Variants in SYNPR observed in about 807,000 individuals in gnomAD.
SYNPR encodes synaptoporin.
Under a neutral mutation model 32.9 loss-of-function variants are expected in SYNPR, and 23 were observed. That is an observed-to-expected ratio of 0.70 (90% CI 0.50 to 0.99). The LOEUF (loss-of-function observed/expected upper bound fraction) is 0.99. Ranked by LOEUF, SYNPR falls within the 50% of genes least tolerant of loss-of-function variation. SYNPR has a pLI of 0.00. For synonymous variants in SYNPR, 146 were observed against 135.9 expected, an observed-to-expected ratio of 1.07 and a Z score of -0.52; for missense variants, 318 against 349.3, an observed-to-expected ratio of 0.91 and a Z score of 0.71.
intron 2 of SYNPR, among the ~76,000 whole-genome samples, chr3:63,404,169 A>G (rs1296206838): frequency 6.6e-6 from 1 of 152,196 alleles, no homozygotes; most frequent in East Asian, 1.9e-4. Flanking sequence ...TGCTGTAGAA[A>G]GGAAGCTGAA....
At chr3:63,436,055 G>A (rs1305926446) in intron 2 of SYNPR, among the ~76,000 whole-genome samples, 5 of 152,060 alleles carry the variant, frequency 3.3e-5, no homozygotes, top group East Asian at 1.9e-4. Flanking sequence ...TAACACATAC[G>A]CCATAAACAA....
intron 3 of SYNPR, among the ~76,000 whole-genome samples, chr3:63,533,978 C>T (rs1702156629): frequency 6.6e-6 from 1 of 152,090 alleles, no homozygotes; most frequent in African/African-American, 2.4e-5. Context: ...TGGAAAATAT[C>T]CAAATTAGAA....
chr3:63,325,070 G>A (rs895081629), intron 2 of SYNPR, among the ~76,000 whole-genome samples: 1 of 152,164 alleles, frequency 6.6e-6, no homozygotes, highest in African/African-American at 2.4e-5. Flanking sequence ...GAGGCCATCT[G>A]GTGAGCCTTC....
At chr3:63,246,752 G>C (rs565669812) in intron 1 of SYNPR, among the ~76,000 whole-genome samples, 2 of 151,926 alleles carry the variant, frequency 1.3e-5, no homozygotes, top group Non-Finnish European at 2.9e-5. Context: ...AATGCTGTAC[G>C]GGGCCTCAGG....
chr3:63,560,135 G>A (rs1329355797), intron 4 of SYNPR, among the ~76,000 whole-genome samples: 1 of 152,190 alleles, frequency 6.6e-6, no homozygotes, highest in East Asian at 1.9e-4. Context: ...GTCGTGGGAG[G>A]AAGGAACAGA....
intron 2 of SYNPR, among the ~76,000 whole-genome samples, chr3:63,413,123 A>G (rs570319971): frequency 2.0e-5 from 3 of 152,350 alleles, no homozygotes; most frequent in Non-Finnish European, 4.4e-5. Context: ...ATAACGATCA[A>G]AAAATGACAT....
intron 3 of SYNPR, among the ~76,000 whole-genome samples, chr3:63,526,016 G>C (rs193274735): frequency 6.6e-6 from 1 of 152,314 alleles, no homozygotes; most frequent in East Asian, 1.9e-4. Flanking sequence ...AGTGTGCTTA[G>C]AGAGCACATG....
Position 63,422,990 on chromosome 3 carries a change from A to G in SYNPR, c.85-57842A>G, listed in dbSNP as rs75956357. On this transcript the variant is annotated intron_variant, in intron 2 of 5. Coordinates refer to ENST00000478300, the MANE Select transcript of SYNPR (RefSeq NM_001130003.2). ...ATGAATAAAGTGGTCTTTATATATC[A>G]ACATAGATCTTAAAAATCTAATGTC... 8.2e-4 allele frequency among the ~76,000 whole-genome samples: 125 copies of G among 152,368 alleles called. 2 individuals are homozygous for G. In the East Asian group the frequency reaches 0.023, roughly 28 times the overall value.
chr3:63,245,791 C>T (rs2086283441), intron 1 of SYNPR, among the ~76,000 whole-genome samples: 1 of 150,780 alleles, frequency 6.6e-6, no homozygotes, highest in African/African-American at 2.4e-5. Context: ...AGAACATTAG[C>T]ACCCTCTTCT....
At chr3:63,271,480 T>A (rs1250905247) in intron 3 of SYNPR, among the ~76,000 whole-genome samples, 2 of 152,314 alleles carry the variant, frequency 1.3e-5, no homozygotes, top group East Asian at 3.9e-4. Context: ...TTTTGTCATA[T>A]TAAAGTGCAA....
At chr3:63,325,209 G>A (rs2087153212) in intron 2 of SYNPR, among the ~76,000 whole-genome samples, 1 of 152,072 alleles carries the variant, frequency 6.6e-6, no homozygotes, top group Non-Finnish European at 1.5e-5. Flanking sequence ...TAGGTGACAA[G>A]AGACAGAACG....
chr3:63,385,184 C>T (rs1453686758), intron 2 of SYNPR, among the ~76,000 whole-genome samples: 1 of 152,112 alleles, frequency 6.6e-6, no homozygotes, highest in African/African-American at 2.4e-5. Context: ...GAAAATAAGT[C>T]TAATGAAGAT....
chr3:63,407,387 A>T (rs1408553554), intron 2 of SYNPR, among the ~76,000 whole-genome samples: 1 of 152,212 alleles, frequency 6.6e-6, no homozygotes, highest in Non-Finnish European at 1.5e-5. Context: ...GCAATGTAAT[A>T]TAGTGGTCGA....
intron 2 of SYNPR, among the ~76,000 whole-genome samples, chr3:63,310,664 C>T (rs2086955013): frequency 6.6e-6 from 1 of 151,860 alleles, no homozygotes; most frequent in South Asian, 2.1e-4. Context: ...TCATGCTGTC[C>T]CAGTGGCTCT....
At chr3:63,413,712 C>CTG (rs1195535346) in intron 2 of SYNPR, among the ~76,000 whole-genome samples, 8 of 152,090 alleles carry the variant, frequency 5.3e-5, no homozygotes, top group Non-Finnish European at 1.2e-4. Flanking sequence ...GTTTTATTGT[C>CTG]TGCTGTTACA....
intron 2 of SYNPR, among the ~76,000 whole-genome samples, chr3:63,402,552 A>G (rs571400903): frequency 6.6e-6 from 1 of 152,140 alleles, no homozygotes; most frequent in African/African-American, 2.4e-5. Flanking sequence ...ACAAAAACTT[A>G]AGAGGAAAAA....
At chr3:63,605,228 T>C (rs1053678515) in intron 4 of SYNPR, among the ~76,000 whole-genome samples, 8 of 152,158 alleles carry the variant, frequency 5.3e-5, no homozygotes, top group African/African-American at 1.9e-4. Flanking sequence ...GGAAAGACTA[T>C]CTGGGGAGGG....
In SYNPR at chr3:63,440,673, G is replaced by T. The variant is rs188284724; in HGVS notation, c.85-40159G>T. Among the ~76,000 whole-genome samples, 126 of 152,288 alleles carry T rather than the reference G, an allele frequency of 8.3e-4. 2 individuals are homozygous for T. Among genetic ancestry groups the T allele is most frequent in the Middle Eastern group, 6.8e-3 (2 of 294 alleles). ...AGCCTTAGAACCTTATTTAGTGAAAGTTGACCCAGAAAGCCCTTTAGAGAT... is the reference window on the plus strand; with the variant it reads ...AGCCTTAGAACCTTATTTAGTGAAATTTGACCCAGAAAGCCCTTTAGAGAT... On this transcript the variant is annotated intron_variant, in intron 2 of 5. Transcript: ENST00000478300.
upstream of SYNPR, among the ~76,000 whole-genome samples, chr3:63,276,901 A>T (rs374696655): frequency 7.7e-6 from 1 of 130,606 alleles, no homozygotes; most frequent in Non-Finnish European, 1.6e-5. Flanking sequence ...TCAAATACCC[A>T]CCCCCCCCAC....
Sources: gnomAD v4.1 joint callset for allele counts (sites outside exome capture counted in the v4.1 genomes callset) on GRCh38, gnomAD v4.1.1 for gene constraint, MANE v1.5 for transcripts, NCBI Gene and HGNC (gene_info 2026-07-23, HGNC 2026-07-21) for gene names.